The following RRP9 variants were observed in gnomAD, a reference collection of about 807,000 sequenced individuals.
RRP9 encodes ribosomal RNA processing 9, U3 small nucleolar RNA binding protein.
Under a neutral mutation model 65.5 loss-of-function variants are expected in RRP9, and 35 were observed. The observed-to-expected ratio is 0.53, with a 90% confidence interval of 0.41 to 0.71. RRP9 has a LOEUF of 0.71. RRP9 is among the 30% of genes least tolerant of loss of function. The pLI is 0.00. For missense variants in RRP9, 533 were observed against 633.6 expected (o/e 0.84, Z 1.70); for synonymous variants, 254 against 245.0 (o/e 1.04, Z -0.34).
Position 51,941,477 on chromosome 3 carries a change from C to T in RRP9, c.102G>A (p.Gly34=). ...CGCCACCCTTGGATTTGCCCCTGTCCCCCGCAGAGTCGGCCTGGGAATTAT... is the reference window on the plus strand; with the variant it reads ...CGCCACCCTTGGATTTGCCCCTGTCTCCCGCAGAGTCGGCCTGGGAATTAT... ...GKRRRKADSA[G]DRGKSKGGGK... The change falls in exon 2 of 15, where the codon GGG becomes GGA. Residue 34 remains glycine, a synonymous_variant. Transcript: ENST00000232888. 2.2e-5 allele frequency: 36 copies of T among 1,614,126 alleles called. No homozygotes were observed. Among genetic ancestry groups the T allele is most frequent in the Non-Finnish European group, 3.1e-5 (36 of 1,180,024 alleles).
Position 51,933,703 on chromosome 3 carries a change from CAT to C in RRP9, c.1334+3_1334+4del. 6.2e-7 allele frequency: 1 copy of C among 1,614,068 alleles called. No homozygotes were observed. The highest frequency in any genetic ancestry group is 1.1e-5 in the South Asian group (1 of 91,074). On this transcript the variant is annotated splice_donor_region_variant and intron_variant, in intron 14 of 14. Transcript: ENST00000232888. ...CTTACCTGAACCCTCGAGGGCCACA[CAT>C]ACCTGTGCTCCTGCCCTACCCCAGC...
rs760662261 is a variant in RRP9 at position 51,941,785 on chromosome 3, C to G, written c.83G>C (p.Arg28Pro). ...GAGAGAGKRRRKADSAGDRGK... is the reference protein window; with the variant it reads ...GAGAGAGKRRPKADSAGDRGK... ...CCTCAGAAGCGCCATGCTCACCTTT[C>G]GCCGCCGCTTGCCGGCCCCCGCGCC... Residue 28 changes from arginine to proline, a missense_variant, in exon 1 of 15, where the codon CGA becomes CCA. Physicochemically the swap from Arg to Pro is moderately radical, Grantham distance 103. Transcript: ENST00000232888. 3.2e-6 allele frequency: 5 copies of G among 1,560,216 alleles called. 1 individual carries two copies. The highest frequency in any genetic ancestry group is 4.3e-6 in the Non-Finnish European group (5 of 1,160,742).
chr3:51,935,504 G>A (rs1160344406), intron 9 of RRP9, 28 bp from the exon 10 acceptor site: 12 of 1,613,938 alleles, frequency 7.4e-6, no homozygotes, highest in Admixed American at 3.3e-5. Context: ...GCAGGATAGT[G>A]GGGATAGGGG....
Position 51,941,827 on chromosome 3 carries a change from G to A in RRP9, c.41C>T (p.Ala14Val), listed in dbSNP as rs1259268382. Residue 14 changes from alanine (A) to valine (V), a missense_variant, in exon 1 of 15, where the codon GCC (alanine) becomes GTC (valine). Physicochemically the swap from Ala to Val is moderately conservative, Grantham distance 64. This residue lies in a region of RRP9 where 77 missense variants were observed against 60.5 expected (regional missense o/e 1.27). Transcript: ENST00000232888. ...CCCCGCGCCAGCCCCGGCCCCAGAG[G>A]CCGGCTTTCCCCGCTTACGAGCAGC... ...TAAARKRGKPASGAGAGAGAG... is the reference protein window; with the variant it reads ...TAAARKRGKPVSGAGAGAGAG... 5.7e-6 allele frequency: 9 copies of A among 1,582,678 alleles called. No individual in the cohort carries two copies. The highest frequency in any genetic ancestry group is 5.4e-5 in the African/African-American group (4 of 74,254).
At position 51,934,922 on chromosome 3, in the gene RRP9, C is replaced by T; in HGVS notation, c.1035-146G>A. 1 of 935,734 alleles carries T rather than the reference C, an allele frequency of 1.1e-6. No homozygotes were observed. The highest frequency in any genetic ancestry group is 1.6e-6 in the Non-Finnish European group (1 of 636,850). The allele number at this position is 935,734 out of a possible 1,614,324, so 58.0% of individuals were successfully genotyped here. A position where few individuals can be genotyped will look rare whatever the true frequency, so the allele number is the denominator to read the frequency against. On this transcript the variant is annotated intron_variant, in intron 11 of 14. Coordinates refer to ENST00000232888, the MANE Select transcript of RRP9 (RefSeq NM_004704.5). The surrounding 1 kb of genome is among the most constrained non-coding windows in gnomAD (Gnocchi z 4.1). ...ATATTGCATGCCTGTATCAAAACAT[C>T]TCAAGTACCCCACAAATACGTACAC...
In RRP9 at chr3:51,934,542, C is replaced by G; in HGVS notation, c.1190G>C (p.Ser397Thr). ...ACACTGCCAAAGCCGCACACAGGAG[C>G]TGTGGGAGCCTGGGGAGACTGGAAC... ...NTDLVATGSH[S>T]SCVRLWQCGE... Residue 397 changes from serine to threonine, a missense_variant, in exon 13 of 15, where the codon AGC (serine) becomes ACC (threonine). By Grantham distance (58) the Ser-to-Thr change is moderately conservative. Transcript: ENST00000232888. The surrounding 1 kb of genome is among the most constrained non-coding windows in gnomAD (Gnocchi z 4.1). 1 of 1,614,092 alleles carries G rather than the reference C, an allele frequency of 6.2e-7. No homozygotes were observed. Among genetic ancestry groups the G allele is most frequent in the Non-Finnish European group, 8.5e-7 (1 of 1,179,944 alleles).
At chr3:51,939,407 G>A (rs916733027) in intron 2 of RRP9, among the ~76,000 whole-genome samples, 1 of 152,204 alleles carries the variant, frequency 6.6e-6, no homozygotes, top group Non-Finnish European at 1.5e-5. Context: ...GAGACAGAAC[G>A]CTAAAGAAAT....
rs773293076 is a variant in RRP9 at position 51,933,540 on chromosome 3, C to A, written c.1394G>T (p.Arg465Leu). The A allele has an allele frequency of 2.5e-5, 40 of 1,613,934 alleles. No homozygotes were observed. The highest frequency in any genetic ancestry group is 3.1e-5 in the Non-Finnish European group (37 of 1,179,970). The change falls in exon 15 of 15, where the codon CGC becomes CTC. Residue 465 changes from arginine to leucine, a missense_variant. Arg to Leu is a moderately radical substitution (Grantham distance 102). This residue lies in a region of RRP9 where 449 missense variants were observed against 550.6 expected (regional missense o/e 0.82). Coordinates refer to ENST00000232888, the MANE Select transcript of RRP9 (RefSeq NM_004704.5). ...ARNSVCIIPL[R>L]RVPVPPAAGS Reference sequence around the variant, plus strand: ...AGCAGCTGGGGGTACAGGGACCCTGCGGAGTGGGATGATGCAGACAGAATT... The same window carrying A: ...AGCAGCTGGGGGTACAGGGACCCTGAGGAGTGGGATGATGCAGACAGAATT...
chr3:51,936,590 G>A (rs781664738), intron 6 of RRP9, 35 bp from the exon 7 acceptor site: 1 of 1,601,778 alleles, frequency 6.2e-7, no homozygotes, highest in Non-Finnish European at 8.5e-7. Context: ...CTACTGGGAT[G>A]GGGGGATAGG....
chr3:51,937,366 T>C lies in RRP9; in HGVS notation c.391-48A>G, dbSNP rs323898. Reference sequence around the variant, plus strand: ...ACTGTGGCTAGTGGCATAAAGGCACTACCTTCACCAACCCCACTGCGTAGT... The same window carrying C: ...ACTGTGGCTAGTGGCATAAAGGCACCACCTTCACCAACCCCACTGCGTAGT... On this transcript the variant is annotated intron_variant, in intron 5 of 14. Transcript: ENST00000232888. The surrounding 1 kb of genome is among the most constrained non-coding windows in gnomAD (Gnocchi z 5.0). The C allele has an allele frequency of 0.029, 47,232 of 1,612,580 alleles. 4,332 individuals are homozygous for C. In the African/African-American group the frequency reaches 0.31, roughly 11 times the overall value.
chr3:51,936,755 C>T (rs969145809), intron 6 of RRP9, among the ~76,000 whole-genome samples, 200 bp from the exon 7 acceptor site: 6 of 152,176 alleles, frequency 3.9e-5, no homozygotes, highest in East Asian at 3.9e-4. Flanking sequence ...TGCCAAACAG[C>T]AGCCACAAAG....
rs1299273423 is a variant in RRP9 at position 51,937,793 on chromosome 3, A to G, written c.281-57T>C. The G allele has an allele frequency of 1.6e-5, 25 of 1,589,648 alleles. No individual in the cohort carries two copies. Among genetic ancestry groups the G allele is most frequent in the Non-Finnish European group, 2.1e-5 (24 of 1,160,574 alleles). On this transcript the variant is annotated intron_variant, in intron 3 of 14. Coordinates refer to ENST00000232888, the MANE Select transcript of RRP9 (RefSeq NM_004704.5). The surrounding 1 kb of genome is among the most constrained non-coding windows in gnomAD (Gnocchi z 5.0). ...AGGCTGAGACCCCTCTTTCCCTTCC[A>G]TCCTGTCCCCATCCCACTGCCCCAG...
At position 51,935,220 on chromosome 3, in the gene RRP9, G is replaced by A; in HGVS notation, c.1011C>T (p.His337=). 6.2e-7 allele frequency: 1 copy of A among 1,614,180 alleles called. No homozygotes were observed. The highest frequency in any genetic ancestry group is 8.5e-7 in the Non-Finnish European group (1 of 1,180,028). ...IDCIHLINEE[H]MVSGADDGSV... ...ACCCATCGTCCGCGCCGGACACCAT[G>A]TGCTCCTCATTGATTAGGTGGATGC... Residue 337 remains histidine (H), a synonymous_variant, in exon 11 of 15, where the codon CAC becomes CAT. Coordinates refer to ENST00000232888, the MANE Select transcript of RRP9 (RefSeq NM_004704.5).
Position 51,934,371 on chromosome 3 carries a change from G to T in RRP9, c.1260+101C>A. 7.8e-7 allele frequency: 1 copy of T among 1,278,686 alleles called. No homozygotes were observed. The highest frequency in any genetic ancestry group is 1.1e-6 in the Non-Finnish European group (1 of 922,618). 79.2% of individuals were successfully genotyped at this position (1,278,686 alleles called of 1,614,324 possible). On this transcript the variant is annotated intron_variant, in intron 13 of 14. Transcript: ENST00000232888. The surrounding 1 kb of genome is among the most constrained non-coding windows in gnomAD (Gnocchi z 4.1). ...GTGCTAGGAGCTGGCCCTGCCCTGA[G>T]AAGGTTCCCTTCTGGCAGGAAGAAA... is the stretch of plus-strand genomic sequence containing the variant.
intron 2 of RRP9, 72 bp downstream of exon 2, chr3:51,941,337 C>A: frequency 8.0e-7 from 1 of 1,247,986 alleles, no homozygotes; most frequent in South Asian, 1.2e-5. Flanking sequence ...CAGTTCTGTT[C>A]GGACTCACTC....
Position 51,933,567 on chromosome 3 carries a change from C to G in RRP9, c.1367G>C (p.Arg456Pro), listed in dbSNP as rs145312939. Residue 456 changes from arginine to proline, a missense_variant, in exon 15 of 15, where the codon CGG (arginine) becomes CCG (proline). Coordinates refer to ENST00000232888, the MANE Select transcript of RRP9 (RefSeq NM_004704.5). ...LGRWWRIKEA[R>P]NSVCIIPLRR... Reference sequence around the variant, plus strand: ...GAGTGGGATGATGCAGACAGAATTCCGAGCCTCTTTGATTCTCCACCATCG... The same window carrying G: ...GAGTGGGATGATGCAGACAGAATTCGGAGCCTCTTTGATTCTCCACCATCG... 233 of 1,614,108 alleles carry G rather than the reference C, an allele frequency of 1.4e-4. No homozygotes were observed. In the East Asian group the frequency reaches 5.1e-3, roughly 36 times the overall value.
intron 8 of RRP9, 78 bp downstream of exon 8, chr3:51,936,179 A>G: frequency 7.3e-7 from 1 of 1,362,940 alleles, no homozygotes; most frequent in South Asian, 1.2e-5. Context: ...GAGGACAGAG[A>G]CTCCAGAGGC....
intron 6 of RRP9, among the ~76,000 whole-genome samples, 172 bp from the exon 7 acceptor site, chr3:51,936,727 TATG>T (rs1231658012): frequency 6.6e-6 from 1 of 152,134 alleles, no homozygotes; most frequent in Admixed American, 6.5e-5. Context: ...TTTCCTCATC[TATG>T]AAGAGGGACA....
chr3:51,937,658 T>A lies in RRP9; in HGVS notation c.348+11A>T. On this transcript the variant is annotated intron_variant, in intron 4 of 14. Coordinates refer to ENST00000232888, the MANE Select transcript of RRP9 (RefSeq NM_004704.5). This position sits in a 1 kb window ranked among gnomAD's most constrained non-coding sequence, Gnocchi z 5.0. ...ACCCCCGTCCTCCCCCAACTCTCCC[T>A]CCACACTTACCACATCCTCCTTCAG... is the stretch of plus-strand genomic sequence containing the variant. 5 of 1,614,078 alleles carry A rather than the reference T, an allele frequency of 3.1e-6. No homozygotes were observed. The highest frequency in any genetic ancestry group is 4.2e-6 in the Non-Finnish European group (5 of 1,180,000).
Sources: gnomAD v4.1 joint callset for allele counts (sites outside exome capture counted in the v4.1 genomes callset) on GRCh38, gnomAD v4.1.1 for gene constraint, gnomAD v4.1.1 regional missense constraint, Gnocchi (gnomAD v3.1) non-coding constraint, MANE v1.5 for transcripts, NCBI Gene and HGNC (gene_info 2026-07-23, HGNC 2026-07-21) for gene names.